Variants in MYO3A observed in about 807,000 individuals in gnomAD.
The protein encoded by MYO3A is myosin IIIA.
Under a neutral mutation model 192.7 loss-of-function variants are expected in MYO3A, and 180 were observed. The ratio of observed to expected loss-of-function variants is 0.93; its 90% confidence interval spans 0.83 to 1.06. MYO3A has a LOEUF of 1.06. Ranked by LOEUF, MYO3A falls within the 50% of genes least tolerant of loss-of-function variation. The pLI is 0.00. For synonymous variants in MYO3A, 628 were observed against 645.3 expected, an observed-to-expected ratio of 0.97 and a Z score of 0.41; for missense variants, 1,896 against 1,905.0, an observed-to-expected ratio of 1.00 and a Z score of 0.09.
chr10:26,068,982 AT>A, intron 12 of MYO3A, 98 bp downstream of exon 12: 1 of 822,406 alleles, frequency 1.2e-6, no homozygotes. Context: ...TTTATCCAGT[AT>A]TTTGAATAAA....
chr10:26,082,364 T>G (rs957484211), intron 14 of MYO3A, among the ~76,000 whole-genome samples: 6 of 152,342 alleles, frequency 3.9e-5, no homozygotes, highest in Non-Finnish European at 7.4e-5. Flanking sequence ...ATTGCTTTCT[T>G]GATTTCTTTT....
At chr10:26,052,284 T>G (rs1844050288) in intron 10 of MYO3A, among the ~76,000 whole-genome samples, 1 of 152,226 alleles carries the variant, frequency 6.6e-6, no homozygotes, top group African/African-American at 2.4e-5. Flanking sequence ...TATATTTATC[T>G]GTGCAGCCCA....
chr10:26,132,975 C>A (rs1839628461), intron 20 of MYO3A, among the ~76,000 whole-genome samples: 1 of 152,164 alleles, frequency 6.6e-6, no homozygotes, highest in Non-Finnish European at 1.5e-5. Flanking sequence ...TAAAAATTCA[C>A]TTAATATAAA....
At chr10:26,025,284 G>A (rs11014916) in intron 9 of MYO3A, among the ~76,000 whole-genome samples, 2 of 151,822 alleles carry the variant, frequency 1.3e-5, no homozygotes, top group African/African-American at 2.4e-5. Context: ...TAGAAATGGC[G>A]CTACTCAAGC....
chr10:26,017,610 T>A (rs1842053264), intron 7 of MYO3A, among the ~76,000 whole-genome samples: 1 of 152,052 alleles, frequency 6.6e-6, no homozygotes, highest in Non-Finnish European at 1.5e-5. Context: ...AATCTTATAA[T>A]TAAATTTGAG....
chr10:26,019,215 TTCTA>T (rs879567560), intron 7 of MYO3A, among the ~76,000 whole-genome samples: 9,728 of 145,656 alleles, frequency 0.067, 422 homozygotes, highest in Non-Finnish European at 0.094. Context: ...TTTCTGGTTA[TTCTA>T]TTTATTTATT....
intron 4 of MYO3A, among the ~76,000 whole-genome samples, chr10:25,970,345 C>T (rs1190664664): frequency 6.6e-6 from 1 of 151,682 alleles, no homozygotes; most frequent in Non-Finnish European, 1.5e-5. Context: ...CAAAAACAAA[C>T]TTTAGGTCAG....
intron 20 of MYO3A, among the ~76,000 whole-genome samples, chr10:26,137,161 T>G (rs1208133285): frequency 6.6e-6 from 1 of 152,248 alleles, no homozygotes; most frequent in East Asian, 1.9e-4. Flanking sequence ...GCAATAAATA[T>G]TCATTTCTGA....
At chr10:25,991,202 A>G (rs553256944) in intron 4 of MYO3A, among the ~76,000 whole-genome samples, 279 of 152,338 alleles carry the variant, frequency 1.8e-3, no homozygotes, top group African/African-American at 6.5e-3. Context: ...AATGATCGCC[A>G]TTCTAACTGG....
rs140575840 is a variant in MYO3A, at chr10:26,132,164, T to C, written c.2262+3626T>C. Among the ~76,000 whole-genome samples, 30 of 152,316 alleles carry C rather than the reference T, an allele frequency of 2.0e-4. No individual in the cohort carries two copies. In the East Asian group the frequency reaches 4.8e-3, roughly 25 times the overall value. The stretch of plus-strand genomic sequence containing the variant: ...CACGATAAATATGTAGCCAAGGTTT[T>C]GGTTTTGTTTGTTTGTTTTGTGGTT... On this transcript the variant is annotated intron_variant, in intron 20 of 34. Transcript: ENST00000642920.
Position 26,211,851 on chromosome 10 carries a change from C to A in MYO3A, c.4739C>A (p.Ala1580Glu). 6.2e-7 allele frequency: 1 copy of A among 1,614,044 alleles called. No individual in the cohort carries two copies. Among genetic ancestry groups the A allele is most frequent in the East Asian group, 2.2e-5 (1 of 44,868 alleles). ...CTGGGTTTCACTTGCAGGTGCTGGG[C>A]GGCGGAGAGCCCCGAGAAGGAGGAG... ...QCIKANERCW[A>E]AESPEKEEER... Residue 1580 changes from alanine to glutamate, a missense_variant, in exon 35 of 35, where the codon GCG becomes GAG. Ala to Glu is a moderately radical substitution (Grantham distance 107). Transcript: ENST00000642920.
At chr10:26,067,919 A>G (rs1386682351) in intron 11 of MYO3A, among the ~76,000 whole-genome samples, 1 of 152,208 alleles carries the variant, frequency 6.6e-6, no homozygotes, top group Non-Finnish European at 1.5e-5. Flanking sequence ...GAATAGAGGT[A>G]GTCATTTGGT....
At chr10:26,099,877 T>C (rs969160948) in intron 17 of MYO3A, among the ~76,000 whole-genome samples, 4 of 152,214 alleles carry the variant, frequency 2.6e-5, no homozygotes, top group Admixed American at 2.6e-4. Flanking sequence ...ATTCTCCTTT[T>C]TTGTTGTGTC....
In MYO3A at chr10:26,143,606, G is replaced by C. The variant is rs1308494880; in HGVS notation, c.2416+5G>C. 3 of 1,613,696 alleles carry C rather than the reference G, an allele frequency of 1.9e-6. No homozygotes were observed. The highest frequency in any genetic ancestry group is 1.3e-5 in the African/African-American group (1 of 74,922). On this transcript the variant is annotated splice_donor_5th_base_variant and intron_variant, in intron 21 of 34. Transcript: ENST00000642920. The stretch of plus-strand genomic sequence containing the variant: ...CCACTGACCAGACTCTTGTAGGTGA[G>C]TTTTCAGTCCAGTGTGTCTGCATGG...
At chr10:26,062,530 A>AAAAAAAAAAAAAAAAG (rs1554816581) in intron 10 of MYO3A, among the ~76,000 whole-genome samples, 1 of 125,944 alleles carries the variant, frequency 7.9e-6, no homozygotes, top group Non-Finnish European at 1.7e-5. Flanking sequence ...AAAAAAAAAA[A>AAAAAAAAAAAAAAAAG]AAATTATGGA....
At chr10:26,033,843 G>A (rs937371189) in intron 10 of MYO3A, among the ~76,000 whole-genome samples, 1 of 152,194 alleles carries the variant, frequency 6.6e-6, no homozygotes, top group African/African-American at 2.4e-5. Flanking sequence ...GTTATCACAA[G>A]ATGAACGTTA....
At chr10:26,110,121 G>T (rs1838070585) in intron 17 of MYO3A, among the ~76,000 whole-genome samples, 1 of 152,134 alleles carries the variant, frequency 6.6e-6, no homozygotes, top group Non-Finnish European at 1.5e-5. Flanking sequence ...TGACTTTTTG[G>T]CTTAAAAGTA....
At chr10:26,092,617 A>T (rs1253979667) in intron 15 of MYO3A, among the ~76,000 whole-genome samples, 1 of 152,246 alleles carries the variant, frequency 6.6e-6, no homozygotes, top group Non-Finnish European at 1.5e-5. Context: ...TTGGCTGCAC[A>T]GGTAAGCTTC....
intron 20 of MYO3A, among the ~76,000 whole-genome samples, chr10:26,139,484 C>T (rs1840032582): frequency 6.6e-6 from 1 of 152,066 alleles, no homozygotes; most frequent in Non-Finnish European, 1.5e-5. Context: ...GGTGATCTGC[C>T]CGCCTCAGCC....
Sources: gnomAD v4.1 joint callset for allele counts (sites outside exome capture counted in the v4.1 genomes callset) on GRCh38, gnomAD v4.1.1 for gene constraint, MANE v1.5 for transcripts, NCBI Gene and HGNC (gene_info 2026-07-23, HGNC 2026-07-21) for gene names.